FSIP1: variants seen among roughly 807,000 people sequenced by gnomAD.
FSIP1 encodes the protein fibrous sheath-interacting protein 1.
In FSIP1, 65 loss-of-function variants were observed where a neutral mutation model predicts 60.9. That is an observed-to-expected ratio of 1.07 (90% CI 0.87 to 1.31). The LOEUF (loss-of-function observed/expected upper bound fraction) is 1.31, where lower values mean the gene tolerates loss of function less well. Among genes scored for constraint, FSIP1 ranks in the 40% most tolerant of loss-of-function variants. The pLI, the probability that FSIP1 is intolerant of heterozygous loss-of-function variation, is 0.00. For synonymous variants in FSIP1, 209 were observed against 221.2 expected, an observed-to-expected ratio of 0.94 and a Z score of 0.49; for missense variants, 675 against 665.5, an observed-to-expected ratio of 1.01 and a Z score of -0.16.
intron 8 of FSIP1, among the ~76,000 whole-genome samples, chr15:39,731,267 T>C (rs1384428967): frequency 6.6e-6 from 1 of 152,148 alleles, no homozygotes; most frequent in African/African-American, 2.4e-5. Context: ...TAAATTCTAT[T>C]GCTCTCCCTT....
intron 4 of FSIP1, among the ~76,000 whole-genome samples, chr15:39,765,241 C>CTTTTTT (rs71132116): frequency 2.5e-4 from 29 of 115,156 alleles, no homozygotes; most frequent in African/African-American, 5.7e-4. Context: ...GAAATTCTTT[C>CTTTTTT]TTTTTTTTTT....
intron 11 of FSIP1, among the ~76,000 whole-genome samples, chr15:39,614,129 A>T (rs1595532128): frequency 6.6e-6 from 1 of 152,206 alleles, no homozygotes; most frequent in East Asian, 1.9e-4. Context: ...AAATGAAGAA[A>T]TGAAACTATC....
intron 2 of FSIP1, among the ~76,000 whole-genome samples, chr15:39,772,690 A>C (rs1897930096): frequency 6.6e-6 from 1 of 151,710 alleles, no homozygotes. Context: ...TCCCGGGTTC[A>C]AGCAATTCTT....
intron 11 of FSIP1, among the ~76,000 whole-genome samples, chr15:39,614,644 CAAA>C (rs35512322): frequency 0.06 from 5,779 of 96,328 alleles, 360 homozygotes; most frequent in African/African-American, 0.18. Flanking sequence ...GACTCCATCT[CAAA>C]AAAAAAAAAA....
chr15:39,779,227 G>A (rs886584244), intron 1 of FSIP1, among the ~76,000 whole-genome samples: 2 of 151,442 alleles, frequency 1.3e-5, no homozygotes, highest in African/African-American at 4.8e-5. Flanking sequence ...AAAAAAAATA[G>A]AGAAAGACAT....
chr15:39,638,226 G>A (rs1464573371), intron 10 of FSIP1, among the ~76,000 whole-genome samples: 1 of 152,188 alleles, frequency 6.6e-6, no homozygotes, highest in African/African-American at 2.4e-5. Context: ...TCAAAGAACA[G>A]AAAAATTCTT....
chr15:39,599,637 AAC>A (rs928354431), downstream of FSIP1, among the ~76,000 whole-genome samples: 14 of 152,014 alleles, frequency 9.2e-5, no homozygotes, highest in African/African-American at 3.1e-4. Flanking sequence ...GCTGACGGAC[AAC>A]ACTGGCCCCT....
At chr15:39,701,199 T>C (rs1248873756) in intron 10 of FSIP1, among the ~76,000 whole-genome samples, 2 of 152,174 alleles carry the variant, frequency 1.3e-5, no homozygotes, top group African/African-American at 4.8e-5. Context: ...TTAGTAAACA[T>C]AGCATGTATT....
intron 5 of FSIP1, among the ~76,000 whole-genome samples, chr15:39,747,772 C>A (rs1897046074): frequency 6.6e-6 from 1 of 152,084 alleles, no homozygotes; most frequent in East Asian, 1.9e-4. Context: ...TAGGGCCTTC[C>A]CATGGTTCAG....
rs746317938 is a variant in FSIP1 at position 39,763,903 on chromosome 15, A to G, written c.477T>C (p.Tyr159=). Residue 159 remains tyrosine, a synonymous_variant, in exon 5 of 12, where the codon TAT becomes TAC. Transcript: ENST00000350221. Reference sequence around the variant, plus strand: ...CCTCTTTACTTTGCCAAGCTTCACTATATTTTGCAGACTAATGAAAGGAAA... The same window carrying G: ...CCTCTTTACTTTGCCAAGCTTCACTGTATTTTGCAGACTAATGAAAGGAAA... The part of the protein sequence containing the change: ...KLWEEIKSAK[Y]SEAWQSKEEM... The G allele has an allele frequency of 3.2e-6, 5 of 1,573,434 alleles. No individual in the cohort carries two copies. The highest frequency in any genetic ancestry group is 4.4e-6 in the Non-Finnish European group (5 of 1,145,500).
intron 5 of FSIP1, among the ~76,000 whole-genome samples, chr15:39,754,760 G>A (rs1897255463): frequency 6.6e-6 from 1 of 152,046 alleles, no homozygotes; most frequent in Non-Finnish European, 1.5e-5. Context: ...GAAAGAAAAA[G>A]AAGAAAACCA....
chr15:39,691,881 G>A (rs937261897), intron 10 of FSIP1, among the ~76,000 whole-genome samples: 10 of 152,168 alleles, frequency 6.6e-5, no homozygotes, highest in African/African-American at 2.4e-4. Flanking sequence ...GGGGTAGATA[G>A]ATAGATAGAT....
intron 8 of FSIP1, among the ~76,000 whole-genome samples, chr15:39,735,891 GATC>G (rs1896589172): frequency 1.3e-5 from 2 of 152,108 alleles, no homozygotes; most frequent in East Asian, 3.9e-4. Context: ...ACAGGGTCAG[GATC>G]ATCAATATCA....
At chr15:39,708,164 C>T (rs544758156) in intron 10 of FSIP1, among the ~76,000 whole-genome samples, 2 of 152,306 alleles carry the variant, frequency 1.3e-5, no homozygotes, top group East Asian at 3.9e-4. Context: ...AAAGCCACTA[C>T]ACCTAATACC....
intron 10 of FSIP1, among the ~76,000 whole-genome samples, chr15:39,700,884 G>A (rs957754240): frequency 6.6e-6 from 1 of 152,172 alleles, no homozygotes; most frequent in Non-Finnish European, 1.5e-5. Flanking sequence ...GGATGCAGTG[G>A]CTCACTCATG....
At chr15:39,598,380 A>C (rs1398654193), downstream of FSIP1, 1 of 152,246 alleles carries the variant, frequency 6.6e-6, no homozygotes, top group Non-Finnish European at 1.5e-5. Context: ...CAAGGTGAAG[A>C]AGCAGGAACT....
At chr15:39,668,428 A>G (rs940819473) in intron 10 of FSIP1, among the ~76,000 whole-genome samples, 1 of 152,180 alleles carries the variant, frequency 6.6e-6, no homozygotes, top group African/African-American at 2.4e-5. Context: ...AGAGGATACA[A>G]AGGAAAAATA....
At chr15:39,614,045 CT>C (rs1891128847) in intron 11 of FSIP1, among the ~76,000 whole-genome samples, 1 of 152,060 alleles carries the variant, frequency 6.6e-6, no homozygotes, top group Non-Finnish European at 1.5e-5. Context: ...ACTCTCACCA[CT>C]TTTTTTCAAC....
intron 5 of FSIP1, among the ~76,000 whole-genome samples, chr15:39,758,697 CTT>C (rs1283024636): frequency 2.0e-5 from 3 of 151,844 alleles, no homozygotes; most frequent in Non-Finnish European, 4.4e-5. Context: ...TTTACAATCT[CTT>C]TTTTAAAAAA....
Sources: gnomAD v4.1 joint callset for allele counts (sites outside exome capture counted in the v4.1 genomes callset) on GRCh38, gnomAD v4.1.1 for gene constraint, MANE v1.5 for transcripts, NCBI Gene and HGNC (gene_info 2026-07-23, HGNC 2026-07-21) for gene names.